Variants in PTH2R observed in about 807,000 individuals in gnomAD.
The protein encoded by PTH2R is PTH2 receptor.
In PTH2R, 59 loss-of-function variants were observed where a neutral mutation model predicts 60.3. The ratio of observed to expected loss-of-function variants is 0.98; its 90% CI spans 0.79 to 1.22. The LOEUF (loss-of-function observed/expected upper bound fraction) is 1.22. Among genes scored for constraint, PTH2R ranks in the 50% most tolerant of loss-of-function variants. PTH2R has a pLI of 0.00. For missense variants in PTH2R, 749 were observed against 682.6 expected (o/e 1.10, Z -1.08); for synonymous variants, 256 against 243.8 (o/e 1.05, Z -0.47).
intron 12 of PTH2R, among the ~76,000 whole-genome samples, chr2:208,492,499 G>A (rs969441560): frequency 1.3e-5 from 2 of 152,072 alleles, no homozygotes; most frequent in Admixed American, 6.5e-5. Flanking sequence ...GTATAAACAC[G>A]TTTAGGCCAG....
rs368600678 is a variant in PTH2R, at chr2:208,443,351, A to G, written c.513A>G (p.Arg171=). The change falls in exon 6 of 13, where the codon CGA becomes CGG. Residue 171 remains arginine (R), a synonymous_variant. Transcript: ENST00000272847. ...VAILIIGYFR[R]LHCTRNYIHM... The stretch of plus-strand genomic sequence containing the variant: ...TACTGAATATTTCTCTCCGTAGACG[A>G]TTGCATTGCACTAGGAACTATATCC... 3 of 1,552,584 alleles carry G rather than the reference A, an allele frequency of 1.9e-6. No homozygotes were observed. The highest frequency in any genetic ancestry group is 2.6e-6 in the Non-Finnish European group (3 of 1,152,774).
rs149853577 is a variant in PTH2R at position 208,366,803 on chromosome 2, C to T, written c.-259+6566C>T. ...TCGGCTTAAAGGTTTTTCTGTACAT[C>T]GTGAACTGTAACAAGTGGAATATAA... On this transcript the variant is annotated intron_variant, in intron 1 of 12. Transcript: ENST00000617735. Among the ~76,000 whole-genome samples the T allele has an allele frequency of 8.2e-3, 1,241 of 152,248 alleles. 12 individuals are homozygous for T. Among genetic ancestry groups the T allele is most frequent in the African/African-American group, 0.028 (1,153 of 41,524 alleles).
intron 10 of PTH2R, among the ~76,000 whole-genome samples, chr2:208,486,748 C>G (rs1251678236): frequency 6.6e-6 from 1 of 152,180 alleles, no homozygotes; most frequent in Non-Finnish European, 1.5e-5. Flanking sequence ...CATCAGGATT[C>G]AGGAGAACAA....
chr2:208,476,862 T>A (rs1703016354), intron 9 of PTH2R, among the ~76,000 whole-genome samples: 1 of 152,132 alleles, frequency 6.6e-6, no homozygotes, highest in Admixed American at 6.5e-5. Flanking sequence ...CCATAATTAG[T>A]CAGGATCTTC....
rs1029983059 is a variant in PTH2R, at chr2:208,428,059, A to G, written c.76-142A>G. 4 of 593,932 alleles carry G rather than the reference A, an allele frequency of 6.7e-6. No individual in the cohort carries two copies. The Admixed American group carries it at 1.4e-4, about 20-fold the overall frequency. 36.8% of individuals were successfully genotyped at this position (593,932 alleles called of 1,614,324 possible). ...AACCTTACACATTGATGGATTTTGA[A>G]TTTTGATTCAGATAAAGGACTATTT... On this transcript the variant is annotated intron_variant, in intron 1 of 12. Transcript: ENST00000272847.
At chr2:208,378,288 A>G (rs1410189919) in intron 1 of PTH2R, among the ~76,000 whole-genome samples, 3 of 150,578 alleles carry the variant, frequency 2.0e-5, no homozygotes, top group Non-Finnish European at 4.4e-5. Flanking sequence ...CAGGAGAATC[A>G]GGCAGGGAGG....
In PTH2R at chr2:208,457,911, C is replaced by T. The variant is rs1428577586; in HGVS notation, c.915-1984C>T. On this transcript the variant is annotated intron_variant, in intron 8 of 12. Coordinates refer to ENST00000272847, the MANE Select transcript of PTH2R (RefSeq NM_005048.4). ...CTTGCTCATTAATAAAAAGTAAGTT[C>T]GTGATAAGTTCATTATCTAGAATTA... Among the ~76,000 whole-genome samples, 11 of 152,020 alleles carry T rather than the reference C, an allele frequency of 7.2e-5. No individual in the cohort carries two copies. The East Asian group carries it at 7.7e-4, about 11-fold the overall frequency.
chr2:208,379,675 C>T (rs574850685), intron 1 of PTH2R, among the ~76,000 whole-genome samples: 1 of 152,010 alleles, frequency 6.6e-6, no homozygotes, highest in East Asian at 1.9e-4. Flanking sequence ...GCCTGGTTAA[C>T]ATGGTGAAAC....
At chr2:208,382,663 T>A (rs1042413040) in intron 1 of PTH2R, among the ~76,000 whole-genome samples, 1 of 152,232 alleles carries the variant, frequency 6.6e-6, no homozygotes, top group African/African-American at 2.4e-5. Context: ...CATCTGTTTT[T>A]GGACCCTTTT....
intron 2 of PTH2R, among the ~76,000 whole-genome samples, chr2:208,431,790 G>C (rs1701976887): frequency 6.6e-6 from 1 of 152,064 alleles, no homozygotes; most frequent in Admixed American, 6.6e-5. Context: ...TTTGTTACCT[G>C]AACACCACCA....
intron 2 of PTH2R, among the ~76,000 whole-genome samples, chr2:208,433,639 T>C (rs1702016453): frequency 6.6e-6 from 1 of 152,192 alleles, no homozygotes; most frequent in Non-Finnish European, 1.5e-5. Flanking sequence ...ACATAAAAGT[T>C]TTCCTAATGT....
intron 9 of PTH2R, among the ~76,000 whole-genome samples, chr2:208,470,639 A>G (rs1702861706): frequency 6.6e-6 from 1 of 152,330 alleles, no homozygotes; most frequent in East Asian, 1.9e-4. Flanking sequence ...CTGTAAGTCC[A>G]TTAAACCTTT....
chr2:208,458,529 A>G (rs1702561126), intron 8 of PTH2R, among the ~76,000 whole-genome samples: 1 of 152,110 alleles, frequency 6.6e-6, no homozygotes, highest in Non-Finnish European at 1.5e-5. Context: ...TTTGTTGTAC[A>G]TAATATTACA....
chr2:208,387,080 G>A (rs1701016507), intron 1 of PTH2R, among the ~76,000 whole-genome samples: 2 of 151,962 alleles, frequency 1.3e-5, no homozygotes. Context: ...TATACAAAGG[G>A]ATAATATTTG....
At chr2:208,421,036 A>C (rs1052176464) in intron 1 of PTH2R, among the ~76,000 whole-genome samples, 1 of 152,216 alleles carries the variant, frequency 6.6e-6, no homozygotes, top group Non-Finnish European at 1.5e-5. Context: ...TTCTAAGTAT[A>C]ATTGGAGCTC....
intron 12 of PTH2R, 71 bp downstream of exon 12, chr2:208,490,751 T>G (rs1703386693): frequency 7.2e-7 from 1 of 1,397,350 alleles, no homozygotes; most frequent in Non-Finnish European, 9.7e-7. Flanking sequence ...ATCCTGAATC[T>G]CTTTAGAATT....
chr2:208,438,042 A>G (rs1702110820), intron 4 of PTH2R, among the ~76,000 whole-genome samples, 161 bp downstream of exon 4: 1 of 152,228 alleles, frequency 6.6e-6, no homozygotes. Flanking sequence ...ATGCATATCA[A>G]TCATTCTGGT....
intron 9 of PTH2R, among the ~76,000 whole-genome samples, chr2:208,463,805 G>T (rs1258105911): frequency 6.6e-6 from 1 of 152,204 alleles, no homozygotes; most frequent in Non-Finnish European, 1.5e-5. Context: ...TCAGGAAGTG[G>T]CTGTTCAGAC....
In PTH2R at chr2:208,442,478, A is replaced by C; in HGVS notation, c.509+17A>C. 1.3e-6 allele frequency: 2 copies of C among 1,551,652 alleles called. No individual in the cohort carries two copies. Reference sequence around the variant, plus strand: ...TTACTTCAGGTGAGTGATGCCCATCACTTTTTCCATGAAGGGGCACATTGT... The same window carrying C: ...TTACTTCAGGTGAGTGATGCCCATCCCTTTTTCCATGAAGGGGCACATTGT... On this transcript the variant is annotated intron_variant, in intron 5 of 12. Transcript: ENST00000272847.
Sources: gnomAD v4.1 joint callset for allele counts (sites outside exome capture counted in the v4.1 genomes callset) on GRCh38, gnomAD v4.1.1 for gene constraint, MANE v1.5 for transcripts, NCBI Gene and HGNC (gene_info 2026-07-23, HGNC 2026-07-21) for gene names.